Variants in TMEM108 observed in about 807,000 individuals in gnomAD.
TMEM108 encodes the protein cancer/testis antigen 124.
Under a neutral mutation model 35.1 loss-of-function variants are expected in TMEM108, and 12 were observed. That is an observed-to-expected ratio of 0.34 (90% CI 0.22 to 0.55). The LOEUF (loss-of-function observed/expected upper bound fraction) is 0.55. TMEM108 is among the 20% of genes least tolerant of loss of function. The probability of loss-of-function intolerance (pLI) is 0.89; values close to 1 mark genes in which losing one functional copy is unlikely to be tolerated. For missense variants in TMEM108, 680 were observed against 753.3 expected (o/e 0.90, Z 1.14); for synonymous variants, 287 against 308.6 (o/e 0.93, Z 0.73).
At chr3:133,381,320 A>G (rs1383274412) in intron 4 of TMEM108, among the ~76,000 whole-genome samples, 159 bp downstream of exon 4, 1 of 152,240 alleles carries the variant, frequency 6.6e-6, no homozygotes, top group African/African-American at 2.4e-5. Context: ...CCCTGACCCT[A>G]GTCCTCAGCT....
intron 2 of TMEM108, among the ~76,000 whole-genome samples, chr3:133,054,280 T>G (rs893233356): frequency 6.6e-6 from 1 of 152,212 alleles, no homozygotes; most frequent in Non-Finnish European, 1.5e-5. Context: ...TTTTGAGAAG[T>G]CTGATTCTAT....
chr3:133,050,462 C>T (rs1269177680), intron 2 of TMEM108, among the ~76,000 whole-genome samples: 7 of 152,184 alleles, frequency 4.6e-5, no homozygotes, highest in Middle Eastern at 3.4e-3. Context: ...TCAGCATCAC[C>T]CACCAGAATG....
chr3:133,345,986 G>A (rs2071807154), intron 3 of TMEM108, among the ~76,000 whole-genome samples: 1 of 151,828 alleles, frequency 6.6e-6, no homozygotes, highest in Non-Finnish European at 1.5e-5. Context: ...TTTTATTGCT[G>A]AATAATATTT....
chr3:133,298,892 C>T (rs1947181629), intron 3 of TMEM108, among the ~76,000 whole-genome samples: 1 of 152,162 alleles, frequency 6.6e-6, no homozygotes. Context: ...AGACCATCGG[C>T]TGCCTGTGGC....
At chr3:133,175,046 C>T (rs751762433) in intron 2 of TMEM108, among the ~76,000 whole-genome samples, 3 of 152,056 alleles carry the variant, frequency 2.0e-5, no homozygotes, top group East Asian at 1.9e-4. Flanking sequence ...CCTCAGTAAC[C>T]GATGCGATCA....
rs111671814 is a variant in TMEM108, at chr3:133,324,871, G to T, written c.41-54881G>T. On this transcript the variant is annotated intron_variant, in intron 3 of 5. Coordinates refer to ENST00000321871, the MANE Select transcript of TMEM108 (RefSeq NM_023943.4). ...GGCACCTGCGATCCCAGCTATTCAAGAGTCTGAAGCAGGAGAATTGCTTCA... is the reference window on the plus strand; with the variant it reads ...GGCACCTGCGATCCCAGCTATTCAATAGTCTGAAGCAGGAGAATTGCTTCA... Among the ~76,000 whole-genome samples the T allele has an allele frequency of 2.3e-3, 353 of 152,282 alleles. 2 individuals carry two copies. Among genetic ancestry groups the T allele is most frequent in the African/African-American group, 8.0e-3 (331 of 41,550 alleles).
chr3:133,041,922 A>G (rs1020398364), intron 1 of TMEM108: 5 of 152,360 alleles, frequency 3.3e-5, no homozygotes, highest in Admixed American at 1.3e-4. Flanking sequence ...AGTAGTCACT[A>G]TATTTCAGGG....
chr3:133,327,115 G>T (rs1043618878), intron 3 of TMEM108, among the ~76,000 whole-genome samples: 2 of 152,146 alleles, frequency 1.3e-5, no homozygotes, highest in African/African-American at 4.8e-5. Context: ...GTGCCTTTGT[G>T]TACTTTGTGA....
At chr3:133,101,657 G>A (rs1559832606) in intron 2 of TMEM108, among the ~76,000 whole-genome samples, 2 of 152,184 alleles carry the variant, frequency 1.3e-5, no homozygotes, top group Non-Finnish European at 2.9e-5. Context: ...TGAGAGATTA[G>A]TATCTTAAAA....
chr3:133,099,488 C>CA (rs1553733362), intron 2 of TMEM108, among the ~76,000 whole-genome samples: 2 of 152,114 alleles, frequency 1.3e-5, no homozygotes, highest in Middle Eastern at 3.4e-3. Flanking sequence ...AATTTCTTCT[C>CA]AAAAAAATGG....
intron 2 of TMEM108, among the ~76,000 whole-genome samples, chr3:133,084,906 G>A (rs1025306510): frequency 6.6e-6 from 1 of 152,128 alleles, no homozygotes; most frequent in Non-Finnish European, 1.5e-5. Context: ...GTTTCTCCAG[G>A]ACACGCAGTG....
chr3:133,167,448 G>C lies in TMEM108; in HGVS notation c.-46-61818G>C, dbSNP rs550656143. Among the ~76,000 whole-genome samples the C allele has an allele frequency of 5.2e-5, 8 of 152,390 alleles. No homozygotes were observed. In the South Asian group the frequency reaches 1.7e-3, roughly 32 times the overall value. On this transcript the variant is annotated intron_variant, in intron 2 of 5. Transcript: ENST00000321871. ...CATGGGACTGGCTGCAGAGCAGGGGGTGGTGCCCGTCAGGGAAGCTCGGGC... is the reference window on the plus strand; with the variant it reads ...CATGGGACTGGCTGCAGAGCAGGGGCTGGTGCCCGTCAGGGAAGCTCGGGC...
intron 2 of TMEM108, among the ~76,000 whole-genome samples, chr3:133,177,220 G>A (rs1349319685): frequency 1.6e-4 from 24 of 151,014 alleles, no homozygotes; most frequent in South Asian, 2.1e-4. Flanking sequence ...ATTCACAGCC[G>A]AATTCTACCA....
At chr3:133,155,369 A>G (rs1241003708) in intron 2 of TMEM108, among the ~76,000 whole-genome samples, 2 of 152,180 alleles carry the variant, frequency 1.3e-5, no homozygotes, top group African/African-American at 4.8e-5. Context: ...TCTTCTGGGT[A>G]TATACCCAGT....
chr3:133,199,801 C>G (rs1299524488), intron 2 of TMEM108, among the ~76,000 whole-genome samples: 2 of 152,198 alleles, frequency 1.3e-5, no homozygotes, highest in African/African-American at 4.8e-5. Context: ...AGCTGTCAGA[C>G]TGGGACGTTT....
intron 2 of TMEM108, among the ~76,000 whole-genome samples, chr3:133,224,401 TG>T (rs1946037276): frequency 6.6e-6 from 1 of 152,170 alleles, no homozygotes; most frequent in Non-Finnish European, 1.5e-5. Context: ...ATGAGCATTG[TG>T]GAAAAGGAAC....
chr3:133,136,800 G>A (rs975545622), intron 2 of TMEM108, among the ~76,000 whole-genome samples: 3 of 152,164 alleles, frequency 2.0e-5, no homozygotes, highest in Admixed American at 1.3e-4. Context: ...TTTTATTTGG[G>A]GAGCTGTGCT....
chr3:133,087,858 C>G (rs1943902403), intron 2 of TMEM108, among the ~76,000 whole-genome samples: 1 of 152,180 alleles, frequency 6.6e-6, no homozygotes, highest in Non-Finnish European at 1.5e-5. Flanking sequence ...GCCTACCCAT[C>G]ATCCAGGAGG....
At chr3:133,236,067 T>G (rs573982342) in intron 3 of TMEM108, among the ~76,000 whole-genome samples, 1 of 152,284 alleles carries the variant, frequency 6.6e-6, no homozygotes, top group South Asian at 2.1e-4. Context: ...GAGAATATGA[T>G]GTTTTTACAT....
Sources: allele counts gnomAD v4.1 joint callset (sites outside exome capture counted in the v4.1 genomes callset), GRCh38; gene constraint gnomAD v4.1.1; transcripts MANE v1.5; gene names NCBI Gene and HGNC (gene_info 2026-07-23, HGNC 2026-07-21).